Variants in PIBF1 observed in about 807,000 individuals in gnomAD.
PIBF1 encodes the protein progesterone immunomodulatory binding factor 1.
PIBF1 carries 90 observed loss-of-function variants against 112.5 expected under a neutral mutation model. The observed-to-expected ratio is 0.80, with a 90% CI of 0.67 to 0.95. The LOEUF (loss-of-function observed/expected upper bound fraction) is 0.95. Ranked by LOEUF, PIBF1 falls within the 40% of genes least tolerant of loss-of-function variation. The probability of loss-of-function intolerance (pLI) is 0.00; values close to 1 mark genes in which losing one functional copy is unlikely to be tolerated. For missense variants in PIBF1, 915 were observed against 852.3 expected, an observed-to-expected ratio of 1.07 and a Z score of -0.92; for synonymous variants, 301 against 288.6, an observed-to-expected ratio of 1.04 and a Z score of -0.44.
At chr13:72,831,271 C>A (rs1272429327) in intron 8 of PIBF1, among the ~76,000 whole-genome samples, 1 of 151,046 alleles carries the variant, frequency 6.6e-6, no homozygotes, top group African/African-American at 2.4e-5. Flanking sequence ...TCCTTCAGTT[C>A]TGCTCTGATC....
intron 16 of PIBF1, among the ~76,000 whole-genome samples, chr13:72,975,210 C>T (rs2042990436): frequency 6.6e-6 from 1 of 152,028 alleles, no homozygotes; most frequent in African/African-American, 2.4e-5. Context: ...TGCATGCCAC[C>T]ATGCCATCTA....
At chr13:73,013,578 A>G (rs186591254) in intron 17 of PIBF1, among the ~76,000 whole-genome samples, 2 of 151,972 alleles carry the variant, frequency 1.3e-5, no homozygotes, top group Admixed American at 1.3e-4. Context: ...CTCTATAAAA[A>G]ATATAAAAAT....
rs751012572 is a variant in PIBF1, at chr13:72,998,771, T to A, written c.2050-51T>A. 1 of 1,248,774 alleles carries A rather than the reference T, an allele frequency of 8.0e-7. No individual in the cohort carries two copies. Among genetic ancestry groups the A allele is most frequent in the Non-Finnish European group, 1.2e-6 (1 of 869,286 alleles). 77.4% of individuals were successfully genotyped at this position (1,248,774 alleles called of 1,614,324 possible). A position where few individuals can be genotyped will look rare whatever the true frequency, so the allele number is the denominator to read the frequency against. ...ATTTTAATATTAATCATTATTAGTC[T>A]GCTTGCTAAAATCACTCTTGCTACT... is the stretch of plus-strand genomic sequence containing the variant. On this transcript the variant is annotated intron_variant, in intron 16 of 17. Transcript: ENST00000326291.
intron 10 of PIBF1, among the ~76,000 whole-genome samples, chr13:72,862,913 A>T (rs1380239498): frequency 6.6e-6 from 1 of 152,206 alleles, no homozygotes; most frequent in Non-Finnish European, 1.5e-5. Context: ...GTTACAAAAG[A>T]TTGTAATCAT....
At chr13:72,798,794 A>G (rs2035322490) in intron 5 of PIBF1, among the ~76,000 whole-genome samples, 1 of 152,164 alleles carries the variant, frequency 6.6e-6, no homozygotes, top group Non-Finnish European at 1.5e-5. Context: ...TCGTTATTCT[A>G]AAAGGAAAAC....
At chr13:72,986,371 T>C (rs976293762) in intron 16 of PIBF1, among the ~76,000 whole-genome samples, 1 of 151,926 alleles carries the variant, frequency 6.6e-6, no homozygotes, top group Non-Finnish European at 1.5e-5. Context: ...CACAAAAGGG[T>C]CTGAGCAAAC....
chr13:72,915,401 T>C (rs1177405436), intron 12 of PIBF1, among the ~76,000 whole-genome samples: 1 of 152,204 alleles, frequency 6.6e-6, no homozygotes, highest in Non-Finnish European at 1.5e-5. Flanking sequence ...TTTAGTAGCA[T>C]TGACCAAGTT....
chr13:72,864,296 G>A (rs1017636622), intron 10 of PIBF1, among the ~76,000 whole-genome samples: 2 of 152,188 alleles, frequency 1.3e-5, no homozygotes, highest in Admixed American at 6.5e-5. Flanking sequence ...CCTCCCAAAT[G>A]TGTAATTCGG....
At chr13:72,904,952 T>A (rs1290021458) in intron 11 of PIBF1, among the ~76,000 whole-genome samples, 3 of 152,094 alleles carry the variant, frequency 2.0e-5, no homozygotes, top group Admixed American at 6.6e-5. Flanking sequence ...TTTTAATGTT[T>A]TATTTCTACT....
At chr13:72,924,623 G>A (rs756312906) in intron 13 of PIBF1, among the ~76,000 whole-genome samples, 74 of 152,238 alleles carry the variant, frequency 4.9e-4, no homozygotes, top group Admixed American at 1.9e-3. Context: ...GGGAGGATGA[G>A]CTGGGTCACT....
intron 14 of PIBF1, among the ~76,000 whole-genome samples, chr13:72,955,404 TGC>T (rs2042417933): frequency 6.6e-6 from 1 of 152,042 alleles, no homozygotes; most frequent in Admixed American, 6.6e-5. Flanking sequence ...TGTGTGTATG[TGC>T]ACATTACCAA....
chr13:72,955,703 A>C (rs2042426997), intron 14 of PIBF1, among the ~76,000 whole-genome samples: 1 of 152,200 alleles, frequency 6.6e-6, no homozygotes, highest in African/African-American at 2.4e-5. Context: ...AGGAGAAAGA[A>C]GTTGCAAACA....
chr13:72,807,490 G>A (rs750219086), intron 5 of PIBF1, among the ~76,000 whole-genome samples: 13 of 152,100 alleles, frequency 8.5e-5, no homozygotes, highest in South Asian at 6.2e-4. Flanking sequence ...CAGGAGAATC[G>A]CTTGAACCTG....
intron 9 of PIBF1, among the ~76,000 whole-genome samples, chr13:72,848,723 T>A (rs1427053304): frequency 6.6e-6 from 1 of 151,660 alleles, no homozygotes; most frequent in Non-Finnish European, 1.5e-5. Flanking sequence ...TCCCAGCTAC[T>A]CAGGAGGCTG....
At chr13:72,963,070 C>G (rs2042648083) in intron 14 of PIBF1, among the ~76,000 whole-genome samples, 1 of 152,136 alleles carries the variant, frequency 6.6e-6, no homozygotes. Context: ...GCTGGTAAAA[C>G]TGAGTATCTA....
chr13:72,942,355 C>T (rs4559810), intron 14 of PIBF1, among the ~76,000 whole-genome samples: 152,152 of 152,270 alleles, frequency 1, 76,017 homozygotes, highest in Non-Finnish European at 1. Context: ...CAATGCTTTG[C>T]TATTACTTTA....
chr13:72,820,396 G>T (rs1354926857), intron 5 of PIBF1, among the ~76,000 whole-genome samples: 1 of 152,120 alleles, frequency 6.6e-6, no homozygotes, highest in African/African-American at 2.4e-5. Flanking sequence ...TATATGTGAT[G>T]ATCTTTCGGG....
chr13:72,877,227 A>G (rs1269068382), intron 10 of PIBF1, among the ~76,000 whole-genome samples: 1 of 152,180 alleles, frequency 6.6e-6, no homozygotes, highest in Non-Finnish European at 1.5e-5. Flanking sequence ...AACTGGGATA[A>G]ATCCCACTTG....
chr13:72,933,934 T>G (rs557800842), intron 14 of PIBF1, among the ~76,000 whole-genome samples: 17 of 152,310 alleles, frequency 1.1e-4, no homozygotes, highest in African/African-American at 3.8e-4. Flanking sequence ...TCACAAAATG[T>G]TAATAATGTT....
Sources: allele counts gnomAD v4.1 joint callset (sites outside exome capture counted in the v4.1 genomes callset), GRCh38; gene constraint gnomAD v4.1.1; transcripts MANE v1.5; gene names NCBI Gene and HGNC (gene_info 2026-07-23, HGNC 2026-07-21).